CTSD: variants seen among roughly 807,000 people sequenced by gnomAD.
The protein encoded by CTSD is cathepsin D.
A neutral mutation model predicts 43.6 loss-of-function variants in CTSD; 28 were observed. The observed-to-expected ratio is 0.64, with a 90% CI of 0.48 to 0.88. The LOEUF is 0.88. CTSD is among the 40% of genes least tolerant of loss of function. The pLI is 0.00. For missense variants in CTSD, 485 were observed against 555.2 expected (o/e 0.87, Z 1.27); for synonymous variants, 270 against 249.8 (o/e 1.08, Z -0.76).
rs577591270 is a variant in CTSD, at chr11:1,763,833, G to C, written c.27C>G (p.Leu9=). The stretch of plus-strand genomic sequence containing the variant: ...CGGGTGCAGCCAGCAGGCAGAGGGC[G>C]AGCGGCAGAAGGCTGGAGGGCTGCA... MQPSSLLP[L]ALCLLAAPAS... is the part of the protein sequence containing the mutation. Residue 9 remains leucine, a synonymous_variant, in exon 1 of 9, where the codon CTC becomes CTG. Transcript: ENST00000236671. 1 of 1,528,542 alleles carries C rather than the reference G, an allele frequency of 6.5e-7. No homozygotes were observed. The highest frequency in any genetic ancestry group is 8.7e-7 in the Non-Finnish European group (1 of 1,143,220). 94.7% of individuals were successfully genotyped at this position (1,528,542 alleles called of 1,614,324 possible). A position where few individuals can be genotyped will look rare whatever the true frequency, so the allele number is the denominator to read the frequency against.
intron 5 of CTSD, 142 bp downstream of exon 5, chr11:1,757,182 G>A (rs550805344): frequency 8.0e-6 from 6 of 751,520 alleles, no homozygotes; most frequent in South Asian, 3.0e-5. Context: ...CCCGCCTCCC[G>A]GATGCCCTGA....
chr11:1,763,648 C>G lies in CTSD; in HGVS notation c.68+144G>C, dbSNP rs1323397419. 25 of 799,272 alleles carry G rather than the reference C, an allele frequency of 3.1e-5. No individual in the cohort carries two copies. In the Middle Eastern group the frequency reaches 1.2e-3, roughly 38 times the overall value. 49.5% of individuals were successfully genotyped at this position (799,272 alleles called of 1,614,324 possible). ...GGCGGGTGGTCCGTGCAGGAGGCCG[C>G]GCAGGGCGGCACAGGTGCATTCCAG... On this transcript the variant is annotated intron_variant, in intron 1 of 8. Coordinates refer to ENST00000236671, the MANE Select transcript of CTSD (RefSeq NM_001909.5).
In CTSD at chr11:1,757,438, C is replaced by A. The variant is rs763906263; in HGVS notation, c.590G>T (p.Gly197Val). 1 of 1,614,128 alleles carries A rather than the reference C, an allele frequency of 6.2e-7. No individual in the cohort carries two copies. The highest frequency in any genetic ancestry group is 1.1e-5 in the South Asian group (1 of 91,084). The change falls in exon 5 of 9, where the codon GGC becomes GTC. Residue 197 changes from glycine to valine, a missense_variant. Gly to Val is a moderately radical substitution (Grantham distance 109, BLOSUM62 -3). Coordinates refer to ENST00000236671, the MANE Select transcript of CTSD (RefSeq NM_001909.5). ...GCGGGGGTAGGCCATGCCCAGGATGCCATCGAACTTGGCTGCGATGAAGGT... is the reference window on the plus strand; with the variant it reads ...GCGGGGGTAGGCCATGCCCAGGATGACATCGAACTTGGCTGCGATGAAGGT... Reference protein sequence around the residue: ...GITFIAAKFDGILGMAYPRIS... With the variant: ...GITFIAAKFDVILGMAYPRIS...
chr11:1,759,154 T>C, intron 3 of CTSD, 67 bp from the exon 4 acceptor site: 2 of 1,229,018 alleles, frequency 1.6e-6, no homozygotes, highest in Non-Finnish European at 2.4e-6. Context: ...AGCCCTCCCA[T>C]CCCCCTACAA....
Position 1,753,661 on chromosome 11 carries a change from C to G in CTSD, c.1081G>C (p.Ala361Pro). 6.2e-7 allele frequency: 1 copy of G among 1,612,822 alleles called. No individual in the cohort carries two copies. Among genetic ancestry groups the G allele is most frequent in the Non-Finnish European group, 8.5e-7 (1 of 1,179,832 alleles). The change falls in exon 9 of 9, where the codon GCC (alanine) becomes CCC (proline). Residue 361 changes from alanine (A) to proline (P), a missense_variant. By Grantham distance (27) the Ala-to-Pro change is conservative. Transcript: ENST00000236671. ...PEDYTLKVSQ[A>P]GKTLCLSGFM... ...CCGCTCAGGCAGAGGGTCTTCCCGG[C>G]CTGCGACACCTGGGACGGCCCTGGT...
At position 1,753,856 on chromosome 11, in the gene CTSD, G is replaced by A; in HGVS notation, c.1018C>T (p.Leu340=). The part of the protein sequence containing the change: ...EKVSTLPAIT[L]KLGGKGYKLS... ...TTGTAGCCTTTGCCTCCCAGCTTCA[G>A]TGTGATCGCGGGCAGGGTGGACACC... Residue 340 remains leucine, a synonymous_variant, in exon 8 of 9, where the codon CTG becomes TTG. Transcript: ENST00000236671. 6.2e-7 allele frequency: 1 copy of A among 1,613,686 alleles called. No homozygotes were observed. Among genetic ancestry groups the A allele is most frequent in the Non-Finnish European group, 8.5e-7 (1 of 1,179,752 alleles).
rs1845746886 is a variant in CTSD, at chr11:1,753,103, C to A, written c.*400G>T. ...GGCAGGGCAGGTTTCCAAGGGAGGG[C>A]CCGGGAGGACGGCCTGGTGTGGGGT... On this transcript the variant is annotated 3_prime_UTR_variant, in exon 9 of 9. Transcript: ENST00000236671. 1 of 318,310 alleles carries A rather than the reference C, an allele frequency of 3.1e-6. No individual in the cohort carries two copies. The highest frequency in any genetic ancestry group is 4.6e-5 in the Admixed American group (1 of 21,894). The allele number at this position is 318,310 out of a possible 1,614,324, so 19.7% of individuals were successfully genotyped here. A position where few individuals can be genotyped will look rare whatever the true frequency, so the allele number is the denominator to read the frequency against.
rs563903748 is a variant in CTSD at position 1,757,056 on chromosome 11, C to T, written c.704+268G>A. Among the ~76,000 whole-genome samples, 4 of 152,338 alleles carry T rather than the reference C, an allele frequency of 2.6e-5. No individual in the cohort carries two copies. The East Asian group carries it at 7.7e-4, about 29-fold the overall frequency. ...GGGTCCATTCTCATAGGAGGGAGGCCCAGCTGCCAAGGTCCCAGGACCCAC... is the reference window on the plus strand; with the variant it reads ...GGGTCCATTCTCATAGGAGGGAGGCTCAGCTGCCAAGGTCCCAGGACCCAC... On this transcript the variant is annotated intron_variant, in intron 5 of 8. Transcript: ENST00000236671.
rs367978332 is a variant in CTSD, at chr11:1,757,407, G to A, written c.621C>T (p.Ser207=). ...GILGMAYPRI[S]VNNVLPVFDN... ...CGAAGACGGGCAGCACGTTGTTGAC[G>A]GAGATGCGGGGGTAGGCCATGCCCA... is the stretch of plus-strand genomic sequence containing the variant. Residue 207 remains serine, a synonymous_variant, in exon 5 of 9, where the codon TCC becomes TCT. Coordinates refer to ENST00000236671, the MANE Select transcript of CTSD (RefSeq NM_001909.5). 9.3e-6 allele frequency: 15 copies of A among 1,614,198 alleles called. No individual in the cohort carries two copies. The highest frequency in any genetic ancestry group is 2.2e-5 in the South Asian group (2 of 91,092).
chr11:1,754,400 A>ATGGAGGGGCAGAGAGGGATGGAGGGGG, intron 6 of CTSD: 1 of 415,966 alleles, frequency 2.4e-6, no homozygotes, highest in Non-Finnish European at 4.3e-6. Context: ...GATGGAGGGG[A>ATGGAGGGGCAGAGAGGGATGGAGGGGG]TGGAGGGGAT....
intron 5 of CTSD, among the ~76,000 whole-genome samples, chr11:1,756,283 C>T (rs1845808768): frequency 6.6e-6 from 1 of 152,236 alleles, no homozygotes; most frequent in South Asian, 2.1e-4. Context: ...ACCTGGCTGC[C>T]TCCCCTGTGC....
chr11:1,760,071 G>A (rs760524702), intron 2 of CTSD, among the ~76,000 whole-genome samples: 2 of 152,234 alleles, frequency 1.3e-5, no homozygotes, highest in Admixed American at 6.5e-5. Flanking sequence ...TCCTCCCCAG[G>A]TTGGGGCCAT....
Position 1,759,548 on chromosome 11 carries a change from G to A in CTSD, c.320C>T (p.Ser107Phe), listed in dbSNP as rs1301569725. The change falls in exon 3 of 9, where the codon TCC (serine) becomes TTC (phenylalanine). Residue 107 changes from serine (S) to phenylalanine (F), a missense_variant. By Grantham distance (155) the Ser-to-Phe change is radical. Coordinates refer to ENST00000236671, the MANE Select transcript of CTSD (RefSeq NM_001909.5). ...GATGTCCAGCAGTTTGCAGTGGATG[G>A]AGGGGACCCACAGGTTGGAGGAGCC... is the stretch of plus-strand genomic sequence containing the variant. ...DTGSSNLWVP[S>F]IHCKLLDIAC... The A allele has an allele frequency of 1.2e-6, 2 of 1,613,632 alleles. No individual in the cohort carries two copies. The highest frequency in any genetic ancestry group is 1.7e-6 in the Non-Finnish European group (2 of 1,179,996).
At chr11:1,754,544 G>GC (rs1845781881) in intron 6 of CTSD, among the ~76,000 whole-genome samples, 1 of 138,770 alleles carries the variant, frequency 7.2e-6, no homozygotes, top group African/African-American at 2.7e-5. Context: ...GGGATGGAGG[G>GC]ATGGAGGGGA....
At chr11:1,758,844 C>T (rs751217222) in intron 4 of CTSD, 125 bp downstream of exon 4, 6 of 793,516 alleles carry the variant, frequency 7.6e-6, no homozygotes, top group Admixed American at 3.4e-5. Flanking sequence ...CTGACTGCCC[C>T]GGCCACCTGA....
intron 5 of CTSD, among the ~76,000 whole-genome samples, chr11:1,755,619 G>T (rs1318210147): frequency 6.6e-6 from 1 of 152,164 alleles, no homozygotes; most frequent in Non-Finnish European, 1.5e-5. Flanking sequence ...TGTCGCCCGG[G>T]TTTGTTTCTA....
intron 5 of CTSD, 149 bp from the exon 6 acceptor site, chr11:1,755,177 G>C (rs1845795172): frequency 1.1e-6 from 1 of 916,714 alleles, no homozygotes; most frequent in Admixed American, 1.9e-5. Flanking sequence ...GGCCCAGAAG[G>C]CAGGAGGAGG....
In CTSD at chr11:1,755,006, C is replaced by A; in HGVS notation, c.727G>T (p.Gly243Cys). The A allele has an allele frequency of 1.9e-6, 3 of 1,613,868 alleles. No individual in the cohort carries two copies. The highest frequency in any genetic ancestry group is 2.5e-6 in the Non-Finnish European group (3 of 1,179,898). Residue 243 changes from glycine to cysteine, a missense_variant, in exon 6 of 9, where the codon GGT (glycine) becomes TGT (cysteine). Physicochemically the swap from Gly to Cys is radical, Grantham distance 159 (BLOSUM62 -3). Coordinates refer to ENST00000236671, the MANE Select transcript of CTSD (RefSeq NM_001909.5). ...LSRDPDAQPG[G>C]ELMLGGTDSK... ...TCTGTGCCACCCAGCATCAGCTCAC[C>A]CCCAGGCTGCGCATCTGGGTCCCTA...
At chr11:1,754,252 G>A in intron 6 of CTSD, 114 bp from the exon 7 acceptor site, 1 of 1,248,440 alleles carries the variant, frequency 8.0e-7, no homozygotes, top group East Asian at 2.5e-5. Context: ...TCCCCTCAGG[G>A]CTCCTGGAAG....
Sources: gnomAD v4.1 joint callset for allele counts (sites outside exome capture counted in the v4.1 genomes callset) on GRCh38, gnomAD v4.1.1 for gene constraint, MANE v1.5 for transcripts, NCBI Gene and HGNC (gene_info 2026-07-23, HGNC 2026-07-21) for gene names.